The following RNF144B variants were observed in gnomAD, a reference collection of about 807,000 sequenced individuals.
RNF144B encodes the protein E3 ubiquitin-protein ligase RNF144B.
In RNF144B, 25 loss-of-function variants were observed where a neutral mutation model predicts 40.2. The ratio of observed to expected loss-of-function variants is 0.62; its 90% CI spans 0.45 to 0.87. The LOEUF is 0.87. Ranked by LOEUF, RNF144B falls within the 40% of genes least tolerant of loss-of-function variation. The pLI is 0.00. For missense variants in RNF144B, 365 were observed against 373.7 expected (o/e 0.98, Z 0.19); for synonymous variants, 145 against 136.3 (o/e 1.06, Z -0.44).
chr6:18,446,955 C>G lies in RNF144B; in HGVS notation c.331+7211C>G, dbSNP rs1394661939. On this transcript the variant is annotated intron_variant, in intron 4 of 7. Coordinates refer to ENST00000259939, the MANE Select transcript of RNF144B (RefSeq NM_182757.4). The surrounding 1 kb of genome is among the most constrained non-coding windows in gnomAD (Gnocchi z 4.7). ...ACGGTAAATTATCCAATCCAAATGT[C>G]AATAGTGCTGCTGTTGAGAAATCCT... 1.3e-5 allele frequency among the ~76,000 whole-genome samples: 2 copies of G among 151,724 alleles called. No individual in the cohort carries two copies. Among genetic ancestry groups the G allele is most frequent in the Non-Finnish European group, 2.9e-5 (2 of 67,976 alleles).
chr6:18,393,995 C>T (rs1210713720), intron 1 of RNF144B, among the ~76,000 whole-genome samples: 1 of 152,152 alleles, frequency 6.6e-6, no homozygotes, highest in Non-Finnish European at 1.5e-5. Flanking sequence ...GGAATTAAGA[C>T]CTCAGTGCAG....
At position 18,395,027 on chromosome 6, in the gene RNF144B, C is replaced by T. The variant is rs899562524; in HGVS notation, c.-36-4472C>T. Reference sequence around the variant, plus strand: ...ATGCCTAAACTTGAAAGGCAGCTGTCAGATTTCAAGGTGCCCCTTGCATTC... The same window carrying T: ...ATGCCTAAACTTGAAAGGCAGCTGTTAGATTTCAAGGTGCCCCTTGCATTC... On this transcript the variant is annotated intron_variant, in intron 1 of 7. Coordinates refer to ENST00000259939, the MANE Select transcript of RNF144B (RefSeq NM_182757.4). The surrounding 1 kb of genome is among the most constrained non-coding windows in gnomAD (Gnocchi z 4.5). 6.6e-5 allele frequency among the ~76,000 whole-genome samples: 10 copies of T among 152,338 alleles called. No individual in the cohort carries two copies. Among genetic ancestry groups the T allele is most frequent in the South Asian group, 6.2e-4 (3 of 4,830 alleles).
At position 18,414,662 on chromosome 6, in the gene RNF144B, G is replaced by C. The variant is rs893468352; in HGVS notation, c.166-12919G>C. ...ATTTCATTATAATTTATTCAAACTG[G>C]TTTAAATACTGAGACAGATTTTATT... On this transcript the variant is annotated intron_variant, in intron 2 of 7. Coordinates refer to ENST00000259939, the MANE Select transcript of RNF144B (RefSeq NM_182757.4). This position sits in a 1 kb window ranked among gnomAD's most constrained non-coding sequence, Gnocchi z 4.9. Among the ~76,000 whole-genome samples the C allele has an allele frequency of 6.6e-6, 1 of 151,964 alleles. No homozygotes were observed. Among genetic ancestry groups the C allele is most frequent in the African/African-American group, 2.4e-5 (1 of 41,388 alleles).
chr6:18,407,867 A>G (rs1457860624), intron 2 of RNF144B, among the ~76,000 whole-genome samples: 2 of 152,064 alleles, frequency 1.3e-5, no homozygotes, highest in Admixed American at 6.6e-5. Flanking sequence ...TAGGCCTGCT[A>G]TTAGTTCCAA....
chr6:18,415,459 T>C (rs1345659474), intron 2 of RNF144B, among the ~76,000 whole-genome samples: 1 of 152,120 alleles, frequency 6.6e-6, no homozygotes, highest in Non-Finnish European at 1.5e-5. Flanking sequence ...ACAGAAGAGA[T>C]GGAAGGGCAA....
chr6:18,445,293 T>C (rs1322643637), intron 4 of RNF144B, among the ~76,000 whole-genome samples: 1 of 152,180 alleles, frequency 6.6e-6, no homozygotes, highest in Admixed American at 6.5e-5. Flanking sequence ...GCATATGTAA[T>C]GCTGATGGTG....
rs966189642 is a variant in RNF144B, at chr6:18,418,149, G to C, written c.166-9432G>C. On this transcript the variant is annotated intron_variant, in intron 2 of 7. Transcript: ENST00000259939. The surrounding 1 kb of genome is among the most constrained non-coding windows in gnomAD (Gnocchi z 5.2). ...TACACTGCTGGTGGGAATGGAAAATGATGCAATTGCTTTGGAAAATCATCT... is the reference window on the plus strand; with the variant it reads ...TACACTGCTGGTGGGAATGGAAAATCATGCAATTGCTTTGGAAAATCATCT... Among the ~76,000 whole-genome samples, 1 of 152,194 alleles carries C rather than the reference G, an allele frequency of 6.6e-6. No homozygotes were observed. Among genetic ancestry groups the C allele is most frequent in the African/African-American group, 2.4e-5 (1 of 41,460 alleles).
rs766129375 is a variant in RNF144B at position 18,418,480 on chromosome 6, T to G, written c.166-9101T>G. On this transcript the variant is annotated intron_variant, in intron 2 of 7. Coordinates refer to ENST00000259939, the MANE Select transcript of RNF144B (RefSeq NM_182757.4). This position sits in a 1 kb window ranked among gnomAD's most constrained non-coding sequence, Gnocchi z 5.2. ...AAGCCATTGACAAAGGACCATATAT[T>G]GTATCATTCCATTTATATGAAATGT... is the stretch of plus-strand genomic sequence containing the variant. Among the ~76,000 whole-genome samples the G allele has an allele frequency of 1.3e-5, 2 of 152,178 alleles. No homozygotes were observed. Among genetic ancestry groups the G allele is most frequent in the African/African-American group, 2.4e-5 (1 of 41,444 alleles).
rs966156906 is a variant in RNF144B, at chr6:18,400,262, G to A, written c.165+563G>A. 6.5e-5 allele frequency among the ~76,000 whole-genome samples: 9 copies of A among 138,470 alleles called. No homozygotes were observed. Among genetic ancestry groups the A allele is most frequent in the Non-Finnish European group, 1.4e-4 (9 of 64,672 alleles). The allele number at this position is 138,470 out of a possible 152,430, so 90.8% of individuals were successfully genotyped here. On this transcript the variant is annotated intron_variant, in intron 2 of 7. Coordinates refer to ENST00000259939, the MANE Select transcript of RNF144B (RefSeq NM_182757.4). This position sits in a 1 kb window ranked among gnomAD's most constrained non-coding sequence, Gnocchi z 5.6. Reference sequence around the variant, plus strand: ...CACTCCAGCCTGGGCGACAGAGCGAGACTCTGTCTCAAAAAAAAAAAAAAA... The same window carrying A: ...CACTCCAGCCTGGGCGACAGAGCGAAACTCTGTCTCAAAAAAAAAAAAAAA...
intron 4 of RNF144B, among the ~76,000 whole-genome samples, chr6:18,454,898 TGCTATAAATTTTAA>T (rs1562058735): frequency 6.6e-6 from 1 of 152,248 alleles, no homozygotes; most frequent in Non-Finnish European, 1.5e-5. Context: ...TCACTAGGGA[TGCTATAAATTTTAA>T]CAGTAATATG....
At chr6:18,388,202 C>T (rs542612967) in intron 1 of RNF144B, among the ~76,000 whole-genome samples, 1 of 152,230 alleles carries the variant, frequency 6.6e-6, no homozygotes, top group East Asian at 1.9e-4. Flanking sequence ...AAATTAATTC[C>T]CTTCTCTGGG....
At chr6:18,401,687 C>G (rs1794804784) in intron 2 of RNF144B, among the ~76,000 whole-genome samples, 1 of 152,190 alleles carries the variant, frequency 6.6e-6, no homozygotes, top group African/African-American at 2.4e-5. Context: ...TAATTTGCAT[C>G]TGTATTCAGT....
Position 18,441,972 on chromosome 6 carries a change from C to T in RNF144B, c.331+2228C>T, listed in dbSNP as rs1449623231. Among the ~76,000 whole-genome samples the T allele has an allele frequency of 6.6e-6, 1 of 152,078 alleles. No homozygotes were observed. The highest frequency in any genetic ancestry group is 2.4e-5 in the African/African-American group (1 of 41,410). ...GTTCTTCTCCTGTACACTTTTTTCC[C>T]AAAGAGGTAATCATACCGTTCTTCA... On this transcript the variant is annotated intron_variant, in intron 4 of 7. Transcript: ENST00000259939. The surrounding 1 kb of genome is among the most constrained non-coding windows in gnomAD (Gnocchi z 4.9).
intron 4 of RNF144B, among the ~76,000 whole-genome samples, chr6:18,439,953 C>A (rs1268145272): frequency 6.6e-6 from 1 of 151,982 alleles, no homozygotes; most frequent in Non-Finnish European, 1.5e-5. Context: ...ACAGAACTTT[C>A]CTTATGTTGT....
rs1427705382 is a variant in RNF144B at position 18,419,911 on chromosome 6, CAT to C, written c.166-7668_166-7667del. The stretch of plus-strand genomic sequence containing the variant: ...AGTATAGACAGGACAAAATTCAAGA[CAT>C]AGGAAAGAAAACAGGTAATGAATAG... On this transcript the variant is annotated intron_variant, in intron 2 of 7. Transcript: ENST00000259939. This position sits in a 1 kb window ranked among gnomAD's most constrained non-coding sequence, Gnocchi z 4.6. Among the ~76,000 whole-genome samples the C allele has an allele frequency of 1.3e-5, 2 of 152,062 alleles. No individual in the cohort carries two copies. Among genetic ancestry groups the C allele is most frequent in the Admixed American group, 1.3e-4 (2 of 15,272 alleles).
In RNF144B at chr6:18,395,459, A is replaced by G. The variant is rs1292689359; in HGVS notation, c.-36-4040A>G. Reference sequence around the variant, plus strand: ...AGAAATGCAAGGAAACCTTGGAGCCATTCACAGGCATCTCAGGTGTGGGGA... The same window carrying G: ...AGAAATGCAAGGAAACCTTGGAGCCGTTCACAGGCATCTCAGGTGTGGGGA... On this transcript the variant is annotated intron_variant, in intron 1 of 7. Coordinates refer to ENST00000259939, the MANE Select transcript of RNF144B (RefSeq NM_182757.4). The surrounding 1 kb of genome is among the most constrained non-coding windows in gnomAD (Gnocchi z 4.5). 1.3e-5 allele frequency among the ~76,000 whole-genome samples: 2 copies of G among 152,196 alleles called. No homozygotes were observed. The highest frequency in any genetic ancestry group is 6.5e-5 in the Admixed American group (1 of 15,284).
intron 2 of RNF144B, among the ~76,000 whole-genome samples, chr6:18,411,497 ATTTTT>A (rs1197413176): frequency 4.4e-4 from 13 of 29,774 alleles, no homozygotes; most frequent in African/African-American, 1.8e-3. Context: ...ATATATATAT[ATTTTT>A]TTTTTTTTTT....
intron 2 of RNF144B, among the ~76,000 whole-genome samples, chr6:18,407,384 A>G (rs1794933537): frequency 6.6e-6 from 1 of 152,202 alleles, no homozygotes; most frequent in Non-Finnish European, 1.5e-5. Flanking sequence ...TCTTTCATGT[A>G]ATATAGGGAT....
chr6:18,454,845 G>C (rs1035996073), intron 4 of RNF144B, among the ~76,000 whole-genome samples: 9 of 152,202 alleles, frequency 5.9e-5, no homozygotes, highest in African/African-American at 2.2e-4. Flanking sequence ...TAATTGATTA[G>C]AGCTATGAGA....
Sources: allele counts gnomAD v4.1 joint callset (sites outside exome capture counted in the v4.1 genomes callset), GRCh38; gene constraint gnomAD v4.1.1; non-coding constraint Gnocchi (gnomAD v3.1); transcripts MANE v1.5; gene names NCBI Gene and HGNC (gene_info 2026-07-23, HGNC 2026-07-21).